Variants in CLYBL observed in about 807,000 individuals in gnomAD.
The protein encoded by CLYBL is citramalyl-CoA lyase, mitochondrial.
A neutral mutation model predicts 38.9 loss-of-function variants in CLYBL; 31 were observed. The ratio of observed to expected loss-of-function variants is 0.80; its 90% confidence interval spans 0.60 to 1.08. The LOEUF (loss-of-function observed/expected upper bound fraction) is 1.08. Among genes scored for constraint, CLYBL ranks in the 50% least tolerant of loss-of-function variants. The probability of loss-of-function intolerance (pLI) is 0.00; values close to 1 mark genes in which losing one functional copy is unlikely to be tolerated. For synonymous variants in CLYBL, 171 were observed against 158.6 expected (o/e 1.08, Z -0.59); for missense variants, 434 against 411.6 (o/e 1.05, Z -0.47).
intron 1 of CLYBL, among the ~76,000 whole-genome samples, chr13:99,659,370 G>A (rs2047377142): frequency 6.6e-6 from 1 of 152,120 alleles, no homozygotes; most frequent in Admixed American, 6.5e-5. Flanking sequence ...CGTTAAGTGG[G>A]CTTTCACAGG....
chr13:99,664,131 A>G (rs2047446879), intron 1 of CLYBL, among the ~76,000 whole-genome samples: 2 of 152,248 alleles, frequency 1.3e-5, no homozygotes, highest in Non-Finnish European at 2.9e-5. Flanking sequence ...ACATTTACCA[A>G]GATAAATCAG....
chr13:99,880,996 G>A (rs1182104879), intron 7 of CLYBL, among the ~76,000 whole-genome samples: 1 of 152,204 alleles, frequency 6.6e-6, no homozygotes, highest in African/African-American at 2.4e-5. Flanking sequence ...TTCCCCAGCT[G>A]CTCAGCATGC....
intron 2 of CLYBL, among the ~76,000 whole-genome samples, chr13:99,853,463 C>T (rs1311501492): frequency 2.0e-5 from 3 of 152,198 alleles, no homozygotes; most frequent in African/African-American, 4.8e-5. Context: ...TGAATCAGCA[C>T]ATACAATTTT....
chr13:99,719,292 G>A (rs1446093122), intron 1 of CLYBL, among the ~76,000 whole-genome samples: 2 of 151,188 alleles, frequency 1.3e-5, no homozygotes, highest in East Asian at 3.9e-4. Context: ...CTACAGGCAG[G>A]CACCACCAAG....
downstream of CLYBL, chr13:99,893,479 C>G (rs1434760097): frequency 6.6e-6 from 1 of 152,318 alleles, no homozygotes; most frequent in South Asian, 2.1e-4. Flanking sequence ...CCATACGCAC[C>G]CGCTGAGGGT....
At chr13:99,872,376 A>G (rs937230278) in intron 7 of CLYBL, among the ~76,000 whole-genome samples, 1 of 152,148 alleles carries the variant, frequency 6.6e-6, no homozygotes, top group African/African-American at 2.4e-5. Flanking sequence ...TTTTAAGTTG[A>G]CCTTGTGTTT....
chr13:99,908,768 G>A (rs1426951106), exon 10 of CLYBL, among the ~76,000 whole-genome samples: 3 of 152,320 alleles, frequency 2.0e-5, no homozygotes, highest in East Asian at 1.9e-4. Flanking sequence ...TTTAACCACA[G>A]AGGCAGAAAG....
At chr13:99,751,293 G>A (rs78743833) in intron 1 of CLYBL, among the ~76,000 whole-genome samples, 2,711 of 151,848 alleles carry the variant, frequency 0.018, 30 homozygotes, top group Non-Finnish European at 0.024. Flanking sequence ...TGATCCCGGC[G>A]CACTGCAATC....
At chr13:99,805,948 T>G (rs76638170) in intron 2 of CLYBL, among the ~76,000 whole-genome samples, 4,562 of 152,306 alleles carry the variant, frequency 0.03, 112 homozygotes, top group East Asian at 0.075. Context: ...TTAACAGATG[T>G]ATAGTATGCA....
chr13:99,727,799 C>T (rs760542666), intron 1 of CLYBL, among the ~76,000 whole-genome samples: 14 of 152,006 alleles, frequency 9.2e-5, no homozygotes, highest in African/African-American at 1.7e-4. Flanking sequence ...ACAGTATTGC[C>T]GGGTGCGGTG....
At chr13:99,783,608 C>T (rs944792068) in intron 2 of CLYBL, among the ~76,000 whole-genome samples, 2 of 152,006 alleles carry the variant, frequency 1.3e-5, no homozygotes, top group African/African-American at 2.4e-5. Context: ...AGGCGCCTGC[C>T]ACCACTCCTG....
rs566684428 is a variant in CLYBL at position 99,610,150 on chromosome 13, G to T, written c.62+3393G>T. Among the ~76,000 whole-genome samples, 52 of 152,288 alleles carry T rather than the reference G, an allele frequency of 3.4e-4. No individual in the cohort carries two copies. The South Asian group carries it at 6.0e-3, about 18-fold the overall frequency. On this transcript the variant is annotated intron_variant, in intron 1 of 8. Transcript: ENST00000339105. ...ACTGCTGGGTTCAAATGATTTTCTT[G>T]CCTTGGCCTCCAAAGCAGTGGAATT...
At chr13:99,671,308 T>C (rs1011825023) in intron 1 of CLYBL, among the ~76,000 whole-genome samples, 3 of 152,196 alleles carry the variant, frequency 2.0e-5, no homozygotes, top group Non-Finnish European at 4.4e-5. Context: ...CGTATAATGT[T>C]TGTCTTCCCT....
At chr13:99,648,776 C>T (rs1177663456) in intron 1 of CLYBL, among the ~76,000 whole-genome samples, 1 of 151,548 alleles carries the variant, frequency 6.6e-6, no homozygotes, top group African/African-American at 2.4e-5. Context: ...TGTTAGCTAC[C>T]TAGTGTCACT....
intron 1 of CLYBL, among the ~76,000 whole-genome samples, chr13:99,634,964 C>T (rs1159749461): frequency 1.3e-5 from 2 of 152,148 alleles, no homozygotes; most frequent in African/African-American, 4.8e-5. Flanking sequence ...AGCGGCAGCT[C>T]CAGGAAGGCA....
chr13:99,709,955 G>A (rs1223724220), intron 1 of CLYBL, among the ~76,000 whole-genome samples: 1 of 121,650 alleles, frequency 8.2e-6, no homozygotes, highest in Non-Finnish European at 1.6e-5. Context: ...ACGGAGTCTC[G>A]CTCTGTCGCC....
chr13:99,877,226 C>T (rs1349097761), intron 7 of CLYBL, among the ~76,000 whole-genome samples: 1 of 152,222 alleles, frequency 6.6e-6, no homozygotes, highest in African/African-American at 2.4e-5. Context: ...CCTGTGACCA[C>T]ACACACCCCA....
intron 1 of CLYBL, among the ~76,000 whole-genome samples, chr13:99,620,980 T>C (rs1328407841): frequency 2.0e-5 from 3 of 152,182 alleles, no homozygotes; most frequent in Non-Finnish European, 2.9e-5. Context: ...CCACCCCTCA[T>C]GTTCTCTGGA....
At chr13:99,870,379 A>G (rs2051852888) in intron 6 of CLYBL, among the ~76,000 whole-genome samples, 1 of 152,226 alleles carries the variant, frequency 6.6e-6, no homozygotes, top group Non-Finnish European at 1.5e-5. Flanking sequence ...ATTTAAAAGA[A>G]AAACAATTAA....
Sources: allele counts gnomAD v4.1 joint callset (sites outside exome capture counted in the v4.1 genomes callset), GRCh38; gene constraint gnomAD v4.1.1; transcripts MANE v1.5; gene names NCBI Gene and HGNC (gene_info 2026-07-23, HGNC 2026-07-21).